ZNF385D: variants seen among roughly 807,000 people sequenced by gnomAD.
ZNF385D encodes the protein zinc finger protein 659.
A neutral mutation model predicts 35.8 loss-of-function variants in ZNF385D; 15 were observed. That is an observed-to-expected ratio of 0.42 (90% CI 0.28 to 0.64). ZNF385D has a LOEUF of 0.64. Among genes scored for constraint, ZNF385D ranks in the 30% least tolerant of loss-of-function variants. The pLI, the probability that ZNF385D is intolerant of heterozygous loss-of-function variation, is 0.23. For missense variants in ZNF385D, 474 were observed against 494.6 expected (o/e 0.96, Z 0.39); for synonymous variants, 212 against 186.8 (o/e 1.13, Z -1.10).
At chr3:22,370,962 G>A (rs1285350430) in intron 2 of ZNF385D, among the ~76,000 whole-genome samples, 2 of 152,134 alleles carry the variant, frequency 1.3e-5, no homozygotes, top group Admixed American at 6.5e-5. Flanking sequence ...TTAAATCTGA[G>A]ATAATACATT....
chr3:21,788,217 G>A (rs1463232342), intron 3 of ZNF385D, among the ~76,000 whole-genome samples: 3 of 152,284 alleles, frequency 2.0e-5, no homozygotes, highest in East Asian at 3.9e-4. Context: ...AGTGGCTCAC[G>A]CCTGTTATCT....
At chr3:22,039,289 C>T (rs1698522973) in intron 3 of ZNF385D, among the ~76,000 whole-genome samples, 1 of 147,334 alleles carries the variant, frequency 6.8e-6, no homozygotes, top group South Asian at 2.1e-4. Flanking sequence ...TATGTATAAG[C>T]AGGCTCATTG....
At chr3:21,747,972 A>G (rs2125545894) in intron 1 of ZNF385D, among the ~76,000 whole-genome samples, 1 of 152,254 alleles carries the variant, frequency 6.6e-6, no homozygotes, top group East Asian at 1.9e-4. Context: ...AATCCCACTC[A>G]GGTTGCTGAC....
chr3:21,811,922 C>T (rs1244950088), intron 3 of ZNF385D, among the ~76,000 whole-genome samples: 1 of 152,068 alleles, frequency 6.6e-6, no homozygotes, highest in Non-Finnish European at 1.5e-5. Flanking sequence ...ATCTTAACAA[C>T]ACACAAATAG....
chr3:21,749,383 A>T (rs1003954777), intron 1 of ZNF385D, among the ~76,000 whole-genome samples: 1 of 152,178 alleles, frequency 6.6e-6, no homozygotes, highest in African/African-American at 2.4e-5. Context: ...CTTCCTCACG[A>T]CGATCACATA....
intron 3 of ZNF385D, among the ~76,000 whole-genome samples, chr3:22,046,249 A>G (rs1699001632): frequency 6.6e-6 from 1 of 151,994 alleles, no homozygotes; most frequent in Non-Finnish European, 1.5e-5. Flanking sequence ...GATTAGATAA[A>G]CTTCTATTTT....
At chr3:22,362,861 TTTAA>T (rs760206218) in intron 2 of ZNF385D, among the ~76,000 whole-genome samples, 6 of 152,040 alleles carry the variant, frequency 3.9e-5, no homozygotes, top group Non-Finnish European at 7.4e-5. Flanking sequence ...GGCAGCAGAA[TTTAA>T]TTATTTGTTT....
At chr3:21,684,577 T>C (rs1425387330) in intron 1 of ZNF385D, among the ~76,000 whole-genome samples, 5 of 152,062 alleles carry the variant, frequency 3.3e-5, no homozygotes, top group Admixed American at 3.3e-4. Flanking sequence ...AATAGTTAAG[T>C]ATTATAAAGT....
At chr3:22,003,844 G>T (rs960598620) in intron 3 of ZNF385D, among the ~76,000 whole-genome samples, 2 of 150,108 alleles carry the variant, frequency 1.3e-5, no homozygotes, top group Non-Finnish European at 3.0e-5. Flanking sequence ...TCCAGCCTGG[G>T]CAACAAAGCA....
intron 3 of ZNF385D, among the ~76,000 whole-genome samples, chr3:22,151,141 A>G (rs547332056): frequency 2.0e-5 from 3 of 152,320 alleles, no homozygotes; most frequent in African/African-American, 7.2e-5. Context: ...TGGAAAGGAC[A>G]TCACACATCA....
chr3:21,580,584 C>T (rs780577857), intron 2 of ZNF385D, among the ~76,000 whole-genome samples: 1 of 151,880 alleles, frequency 6.6e-6, no homozygotes, highest in Non-Finnish European at 1.5e-5. Context: ...GTTTCAGTCA[C>T]CATTTAATGC....
At chr3:22,185,347 T>C (rs2125785838) in intron 2 of ZNF385D, among the ~76,000 whole-genome samples, 1 of 152,346 alleles carries the variant, frequency 6.6e-6, no homozygotes, top group Non-Finnish European at 1.5e-5. Context: ...GTAAAACAAC[T>C]ATTATTGCAG....
chr3:21,719,217 C>G (rs1357646101), intron 1 of ZNF385D, among the ~76,000 whole-genome samples: 1 of 152,180 alleles, frequency 6.6e-6, no homozygotes, highest in Non-Finnish European at 1.5e-5. Context: ...GATACCACCC[C>G]ACACCTCCTC....
intron 3 of ZNF385D, among the ~76,000 whole-genome samples, chr3:21,543,584 C>G (rs1374035416): frequency 6.6e-6 from 1 of 152,162 alleles, no homozygotes; most frequent in Non-Finnish European, 1.5e-5. Flanking sequence ...AGGGGTTCTA[C>G]TCCATCCGAC....
intron 2 of ZNF385D, among the ~76,000 whole-genome samples, chr3:21,614,451 G>T (rs367566765): frequency 1.3e-5 from 2 of 152,212 alleles, no homozygotes; most frequent in South Asian, 2.1e-4. Context: ...GATTTTGGAA[G>T]AATATAGTTC....
At chr3:22,166,755 T>A (rs562626274) in intron 3 of ZNF385D, among the ~76,000 whole-genome samples, 144 of 152,340 alleles carry the variant, frequency 9.5e-4, no homozygotes, top group Non-Finnish European at 1.4e-3. Context: ...TAACTCTGAT[T>A]TGGGTTTCTA....
At chr3:21,662,911 C>T (rs572353007) in intron 2 of ZNF385D, among the ~76,000 whole-genome samples, 1 of 152,288 alleles carries the variant, frequency 6.6e-6, no homozygotes, top group East Asian at 1.9e-4. Flanking sequence ...TACCAAGCCC[C>T]ATTCTAAACG....
intron 4 of ZNF385D, among the ~76,000 whole-genome samples, chr3:21,454,597 A>G (rs958351344): frequency 1.4e-4 from 21 of 152,244 alleles, no homozygotes; most frequent in Middle Eastern, 3.4e-3. Flanking sequence ...TCTCAAAATA[A>G]TAAGAGCTAT....
chr3:21,966,869 G>T lies in ZNF385D; in HGVS notation c.325+201948C>A, dbSNP rs562581838. Among the ~76,000 whole-genome samples, 20 of 152,262 alleles carry T rather than the reference G, an allele frequency of 1.3e-4. 1 individual carries two copies. The highest frequency in any genetic ancestry group is 8.3e-4 in the South Asian group (4 of 4,830). On this transcript the variant is annotated intron_variant, in intron 3 of 5. Coordinates refer to the ZNF385D transcript ENST00000494108. Reference sequence around the variant, plus strand: ...GCCGAAGGATTATAGGGATTATAGCGCTGCGATTATGGGCTTGAGCCACAG... The same window carrying T: ...GCCGAAGGATTATAGGGATTATAGCTCTGCGATTATGGGCTTGAGCCACAG...
Sources: gnomAD v4.1 joint callset for allele counts (sites outside exome capture counted in the v4.1 genomes callset) on GRCh38, gnomAD v4.1.1 for gene constraint, MANE v1.5 for transcripts, NCBI Gene and HGNC (gene_info 2026-07-23, HGNC 2026-07-21) for gene names.